Variants in ATG4C observed in about 807,000 individuals in gnomAD.
ATG4C encodes cysteine protease ATG4C.
A neutral mutation model predicts 57.6 loss-of-function variants in ATG4C; 56 were observed. That is an observed-to-expected ratio of 0.97 (90% CI 0.78 to 1.21). The LOEUF is 1.21. ATG4C is among the 50% of genes most tolerant of loss of function. The pLI, the probability that ATG4C is intolerant of heterozygous loss-of-function variation, is 0.00. For synonymous variants in ATG4C, 157 were observed against 174.1 expected, an observed-to-expected ratio of 0.90 and a Z score of 0.78; for missense variants, 595 against 529.8, an observed-to-expected ratio of 1.12 and a Z score of -1.21.
Position 62,840,482 on chromosome 1 carries a change from A to C in ATG4C, c.1090-946A>C, listed in dbSNP as rs529297631. Among the ~76,000 whole-genome samples, 3 of 152,314 alleles carry C rather than the reference A, an allele frequency of 2.0e-5. No homozygotes were observed. The East Asian group carries it at 5.8e-4, about 29-fold the overall frequency. On this transcript the variant is annotated intron_variant, in intron 9 of 10. Coordinates refer to ENST00000317868, the MANE Select transcript of ATG4C (RefSeq NM_032852.4). ...TATACAGTCTTATGTTCTTTTTAAC[A>C]CAAACTTATTTTTTCTACATACAGA...
intron 9 of ATG4C, among the ~76,000 whole-genome samples, chr1:62,837,536 G>A (rs1201813694): frequency 6.6e-6 from 1 of 152,170 alleles, no homozygotes; most frequent in East Asian, 1.9e-4. Flanking sequence ...GTGAGGGTAT[G>A]TAAGAAAAGC....
intron 9 of ATG4C, among the ~76,000 whole-genome samples, chr1:62,840,218 G>A (rs1455783614): frequency 2.0e-5 from 3 of 152,030 alleles, no homozygotes; most frequent in Non-Finnish European, 4.4e-5. Flanking sequence ...GTAGTGGCAC[G>A]ATCATATCTT....
chr1:62,791,538 C>G (rs918626019), intron 1 of ATG4C, among the ~76,000 whole-genome samples: 1 of 152,096 alleles, frequency 6.6e-6, no homozygotes, highest in Non-Finnish European at 1.5e-5. Flanking sequence ...TTGGTGAGGG[C>G]CTTCTTGCTG....
chr1:62,784,379 C>T (rs1291199687), intron 1 of ATG4C, 106 bp downstream of exon 1: 1 of 152,494 alleles, frequency 6.6e-6, no homozygotes, highest in Non-Finnish European at 1.5e-5. Context: ...AGTGAAGACC[C>T]TGTGGCCAAC....
At chr1:62,847,607 CAGGAGA>C (rs1341473626) in intron 10 of ATG4C, among the ~76,000 whole-genome samples, 17 of 152,196 alleles carry the variant, frequency 1.1e-4, no homozygotes, top group Non-Finnish European at 2.2e-4. Flanking sequence ...AAAAAATCAC[CAGGAGA>C]AGAGTGAGTG....
chr1:62,825,518 G>A (rs1468112474), intron 6 of ATG4C, among the ~76,000 whole-genome samples: 6 of 152,048 alleles, frequency 3.9e-5, no homozygotes, highest in African/African-American at 9.7e-5. Context: ...AAAATGTCAT[G>A]TTTTAGTGCT....
rs377321581 is a variant in ATG4C at position 62,841,489 on chromosome 1, T to C, written c.1151T>C (p.Ile384Thr). 5.2e-5 allele frequency: 84 copies of C among 1,607,254 alleles called. No homozygotes were observed. In the South Asian group the frequency reaches 6.4e-4, roughly 12 times the overall value. ...SFRKMDPSCTIGFYCRNVQDF... is the reference protein window; with the variant it reads ...SFRKMDPSCTTGFYCRNVQDF... Reference sequence around the variant, plus strand: ...CGAAAAATGGATCCCAGCTGTACAATAGGATTTTACTGTCGAAATGTTCAG... The same window carrying C: ...CGAAAAATGGATCCCAGCTGTACAACAGGATTTTACTGTCGAAATGTTCAG... The change falls in exon 10 of 11, where the codon ATA becomes ACA. Residue 384 changes from isoleucine to threonine, a missense_variant. Ile to Thr is a moderately conservative substitution (Grantham distance 89). Transcript: ENST00000317868.
intron 6 of ATG4C, among the ~76,000 whole-genome samples, chr1:62,824,849 A>T (rs1223862477): frequency 6.6e-6 from 1 of 151,942 alleles, no homozygotes; most frequent in East Asian, 1.9e-4. Context: ...GAAATTTTTT[A>T]TAGAGATGAA....
intron 3 of ATG4C, among the ~76,000 whole-genome samples, chr1:62,806,467 G>A (rs943696): frequency 0.19 from 28,373 of 151,626 alleles, 2,962 homozygotes; most frequent in African/African-American, 0.28. Context: ...GATATTATTT[G>A]TGATTTCAAA....
intron 1 of ATG4C, among the ~76,000 whole-genome samples, chr1:62,799,211 C>T (rs1440278599): frequency 6.6e-6 from 1 of 152,186 alleles, no homozygotes; most frequent in Admixed American, 6.5e-5. Context: ...GCCACCACAC[C>T]AGGCTCCATT....
rs1165097975 is a variant in ATG4C at position 62,853,390 on chromosome 1, G to T, written c.1210-10602G>T. On this transcript the variant is annotated intron_variant, in intron 10 of 10. Coordinates refer to ENST00000317868, the MANE Select transcript of ATG4C (RefSeq NM_032852.4). ...CTGTAACATCATTATGAGGATTAAA[G>T]ATTTAATAGACTAGTGCTTGGTTTA... 2.0e-5 allele frequency among the ~76,000 whole-genome samples: 3 copies of T among 152,334 alleles called. No homozygotes were observed. The East Asian group carries it at 5.8e-4, about 29-fold the overall frequency.
intron 10 of ATG4C, among the ~76,000 whole-genome samples, chr1:62,842,821 T>C (rs1348651850): frequency 1.3e-5 from 2 of 152,202 alleles, no homozygotes; most frequent in Non-Finnish European, 2.9e-5. Flanking sequence ...TGTTCTCTTT[T>C]CATTCTCCTT....
intron 1 of ATG4C, among the ~76,000 whole-genome samples, chr1:62,794,955 C>T (rs990470468): frequency 1.3e-5 from 2 of 152,150 alleles, no homozygotes; most frequent in African/African-American, 4.8e-5. Context: ...GAAAAGGTTA[C>T]ATAGATAAAA....
chr1:62,809,808 A>C (rs931985262), intron 3 of ATG4C, among the ~76,000 whole-genome samples: 2 of 151,878 alleles, frequency 1.3e-5, no homozygotes, highest in African/African-American at 4.8e-5. Flanking sequence ...TGAATGGCCA[A>C]ATACAAGAAA....
At chr1:62,817,355 C>CT (rs1557971995) in intron 4 of ATG4C, among the ~76,000 whole-genome samples, 2 of 152,026 alleles carry the variant, frequency 1.3e-5, no homozygotes, top group South Asian at 4.1e-4. Flanking sequence ...AAATTAAAAA[C>CT]TTTTTTTAGC....
intron 3 of ATG4C, among the ~76,000 whole-genome samples, chr1:62,810,528 T>A (rs972109691): frequency 6.6e-6 from 1 of 152,206 alleles, no homozygotes; most frequent in African/African-American, 2.4e-5. Context: ...ACCAATTATC[T>A]TTTGATGCTC....
At chr1:62,850,875 T>C (rs1348105477) in intron 10 of ATG4C, among the ~76,000 whole-genome samples, 2 of 74,754 alleles carry the variant, frequency 2.7e-5, no homozygotes, top group South Asian at 3.8e-4. Flanking sequence ...TATATATATA[T>C]ATATATATAT....
At chr1:62,788,798 T>G (rs1049952485) in intron 1 of ATG4C, among the ~76,000 whole-genome samples, 2 of 152,214 alleles carry the variant, frequency 1.3e-5, no homozygotes, top group African/African-American at 4.8e-5. Flanking sequence ...GTAGAATGCC[T>G]CACAAAATTG....
At chr1:62,805,129 T>G (rs1011539329) in intron 2 of ATG4C, 43 bp from the exon 3 acceptor site, 2 of 1,508,896 alleles carry the variant, frequency 1.3e-6, no homozygotes, top group Middle Eastern at 1.9e-4. Flanking sequence ...CTGAAATCTT[T>G]TAATTACAAA....
Sources: gnomAD v4.1 joint callset for allele counts (sites outside exome capture counted in the v4.1 genomes callset) on GRCh38, gnomAD v4.1.1 for gene constraint, MANE v1.5 for transcripts, NCBI Gene and HGNC (gene_info 2026-07-23, HGNC 2026-07-21) for gene names.